SEMA6D: variants seen among roughly 807,000 people sequenced by gnomAD.
SEMA6D encodes semaphorin 6D, also known as semaphorin-6D.
A neutral mutation model predicts 106.6 loss-of-function variants in SEMA6D; 35 were observed. That is an observed-to-expected ratio of 0.33 (90% CI 0.25 to 0.44). The LOEUF is 0.44. Among genes scored for constraint, SEMA6D ranks in the 20% least tolerant of loss-of-function variants. The pLI is 1.00. For missense variants in SEMA6D, 1,185 were observed against 1,345.9 expected (o/e 0.88, Z 1.87); for synonymous variants, 499 against 487.7 (o/e 1.02, Z -0.31).
At chr15:47,187,835 A>G (rs1893682558) in intron 1 of SEMA6D, among the ~76,000 whole-genome samples, 1 of 152,142 alleles carries the variant, frequency 6.6e-6, no homozygotes, top group Non-Finnish European at 1.5e-5. Context: ...TGAAGAGAGA[A>G]GAACAACTTT....
chr15:47,344,996 T>C (rs2037986199), intron 1 of SEMA6D, among the ~76,000 whole-genome samples: 2 of 152,162 alleles, frequency 1.3e-5, no homozygotes, highest in African/African-American at 2.4e-5. Flanking sequence ...CTGAAACAAG[T>C]ATGCATAATT....
intron 1 of SEMA6D, among the ~76,000 whole-genome samples, chr15:47,227,447 T>TTTCTTTCTTTCTTTCTTTC (rs368650431): frequency 5.1e-5 from 3 of 58,434 alleles, no homozygotes; most frequent in African/African-American, 3.3e-4. Context: ...CTTTTCTTTC[T>TTTCTTTCTTTCTTTCTTTC]TTTCTTTCTT....
At chr15:47,462,547 A>C (rs903540967) in intron 2 of SEMA6D, among the ~76,000 whole-genome samples, 7 of 152,078 alleles carry the variant, frequency 4.6e-5, no homozygotes, top group African/African-American at 1.7e-4. Flanking sequence ...CCTGGACATA[A>C]ACGTATTTCT....
At chr15:47,725,071 GA>G (rs2079652422) in intron 1 of SEMA6D, among the ~76,000 whole-genome samples, 1 of 152,152 alleles carries the variant, frequency 6.6e-6, no homozygotes, top group African/African-American at 2.4e-5. Flanking sequence ...CTAAAATAAA[GA>G]ATACGTCGCA....
chr15:47,579,626 A>T (rs951689742), intron 3 of SEMA6D, among the ~76,000 whole-genome samples: 1 of 152,154 alleles, frequency 6.6e-6, no homozygotes, highest in Admixed American at 6.5e-5. Flanking sequence ...TTTTCACTGC[A>T]TTCATTTTGC....
chr15:47,726,504 T>C (rs2079761402), intron 1 of SEMA6D, among the ~76,000 whole-genome samples: 3 of 152,240 alleles, frequency 2.0e-5, no homozygotes, highest in Admixed American at 1.3e-4. Context: ...CCAGGGTACC[T>C]GGACCCATGA....
At chr15:47,439,318 G>A (rs114737585) in intron 2 of SEMA6D, among the ~76,000 whole-genome samples, 2 of 152,160 alleles carry the variant, frequency 1.3e-5, no homozygotes, top group African/African-American at 4.8e-5. Flanking sequence ...TTTTAAAAGC[G>A]TATATAAACT....
At chr15:47,525,200 T>C (rs2044712040) in intron 3 of SEMA6D, 1 of 152,182 alleles carries the variant, frequency 6.6e-6, no homozygotes, top group Non-Finnish European at 1.5e-5. Flanking sequence ...TTCAAAGAGA[T>C]AGAGAAGATG....
intron 1 of SEMA6D, among the ~76,000 whole-genome samples, chr15:47,326,096 A>T (rs1044288693): frequency 6.6e-6 from 1 of 152,174 alleles, no homozygotes; most frequent in African/African-American, 2.4e-5. Flanking sequence ...CCTAAGCTGT[A>T]CTGCATTGGA....
chr15:47,250,308 G>A (rs2033439663), intron 1 of SEMA6D, among the ~76,000 whole-genome samples: 1 of 151,612 alleles, frequency 6.6e-6, no homozygotes, highest in African/African-American at 2.4e-5. Flanking sequence ...TCTCTGGGAT[G>A]TCTAAACTTA....
At chr15:47,192,671 A>G (rs1894047772) in intron 1 of SEMA6D, among the ~76,000 whole-genome samples, 1 of 152,230 alleles carries the variant, frequency 6.6e-6, no homozygotes, top group Non-Finnish European at 1.5e-5. Flanking sequence ...TATATCTTAC[A>G]ATGTTATGAT....
At chr15:47,302,636 A>G (rs1566983794) in intron 1 of SEMA6D, among the ~76,000 whole-genome samples, 1 of 152,200 alleles carries the variant, frequency 6.6e-6, no homozygotes, top group Non-Finnish European at 1.5e-5. Context: ...CAGTGAGAGA[A>G]GGGGATGTGA....
At chr15:47,446,736 A>T (rs1304793613) in intron 2 of SEMA6D, among the ~76,000 whole-genome samples, 1 of 152,166 alleles carries the variant, frequency 6.6e-6, no homozygotes, top group Admixed American at 6.6e-5. Context: ...ATGGAGGTAC[A>T]GCTGGTGTGC....
intron 6 of SEMA6D, 25 bp downstream of exon 6, chr15:47,761,456 T>G (rs747274277): frequency 1.8e-5 from 28 of 1,550,734 alleles, no homozygotes; most frequent in Non-Finnish European, 2.3e-5. Flanking sequence ...TGTGATATGC[T>G]TCTTTTGATC....
At chr15:47,330,598 T>C (rs1398102669) in intron 1 of SEMA6D, among the ~76,000 whole-genome samples, 2 of 152,230 alleles carry the variant, frequency 1.3e-5, no homozygotes, top group African/African-American at 4.8e-5. Context: ...TCAGCCAACA[T>C]TTATTGAGTC....
At chr15:47,441,441 TAAC>T (rs1197545302) in intron 2 of SEMA6D, among the ~76,000 whole-genome samples, 1 of 152,104 alleles carries the variant, frequency 6.6e-6, no homozygotes, top group East Asian at 1.9e-4. Flanking sequence ...GTGTTCCTGC[TAAC>T]AACAAGCAAG....
At chr15:47,199,001 A>G (rs1210550841) in intron 1 of SEMA6D, among the ~76,000 whole-genome samples, 3 of 152,228 alleles carry the variant, frequency 2.0e-5, no homozygotes, top group African/African-American at 7.2e-5. Context: ...AGAGAAAAAC[A>G]TTGACAACTA....
At chr15:47,571,460 G>C (rs1262732448) in intron 3 of SEMA6D, among the ~76,000 whole-genome samples, 1 of 152,118 alleles carries the variant, frequency 6.6e-6, no homozygotes. Flanking sequence ...TAAGTCAAAG[G>C]GTAAGTCTTT....
chr15:47,445,277 G>A (rs183415159), intron 2 of SEMA6D, among the ~76,000 whole-genome samples: 387 of 152,182 alleles, frequency 2.5e-3, no homozygotes, highest in Non-Finnish European at 4.0e-3. Context: ...AGGGCCATGA[G>A]TTTCCAGGTT....
Sources: gnomAD v4.1 joint callset for allele counts (sites outside exome capture counted in the v4.1 genomes callset) on GRCh38, gnomAD v4.1.1 for gene constraint, MANE v1.5 for transcripts, NCBI Gene and HGNC (gene_info 2026-07-23, HGNC 2026-07-21) for gene names.